SND1: variants seen among roughly 807,000 people sequenced by gnomAD.
SND1 encodes the protein staphylococcal nuclease and tudor domain containing 1.
Under a neutral mutation model 121.7 loss-of-function variants are expected in SND1, and 38 were observed. That is an observed-to-expected ratio of 0.31 (90% CI 0.24 to 0.41). The LOEUF is 0.41. SND1 is among the 10% of genes least tolerant of loss of function. SND1 has a pLI of 1.00. For synonymous variants in SND1, 401 were observed against 447.4 expected (o/e 0.90, Z 1.31); for missense variants, 868 against 1,184.6 (o/e 0.73, Z 3.92).
intron 10 of SND1, among the ~76,000 whole-genome samples, chr7:127,791,349 C>T (rs550927826): frequency 6.6e-6 from 1 of 152,188 alleles, no homozygotes; most frequent in Admixed American, 6.5e-5. Context: ...GACAGGGTCT[C>T]ACTCTGTTGC....
intron 2 of SND1, among the ~76,000 whole-genome samples, chr7:127,691,719 TCTC>T (rs775022908): frequency 3.3e-5 from 5 of 151,444 alleles, no homozygotes; most frequent in African/African-American, 1.2e-4. Context: ...TTCAAGCAAT[TCTC>T]CTGTCTCAGC....
intron 13 of SND1, among the ~76,000 whole-genome samples, chr7:127,902,306 G>A (rs769593371): frequency 7.9e-5 from 12 of 152,226 alleles, no homozygotes; most frequent in Non-Finnish European, 1.3e-4. Flanking sequence ...GGATAAGGCT[G>A]TAGGCATTTA....
intron 15 of SND1, among the ~76,000 whole-genome samples, chr7:127,984,527 T>C (rs1391996284): frequency 1.3e-5 from 2 of 152,180 alleles, no homozygotes; most frequent in African/African-American, 4.8e-5. Context: ...TCATCAACCA[T>C]CTCTTTCTCT....
chr7:127,982,624 T>C (rs1046884343), intron 15 of SND1, among the ~76,000 whole-genome samples: 1 of 152,248 alleles, frequency 6.6e-6, no homozygotes, highest in Non-Finnish European at 1.5e-5. Context: ...CTAAACCTTT[T>C]AGTACAAACT....
intron 1 of SND1, among the ~76,000 whole-genome samples, chr7:127,667,609 A>C (rs571662220): frequency 6.6e-6 from 1 of 152,178 alleles, no homozygotes; most frequent in African/African-American, 2.4e-5. Flanking sequence ...ACTGGGGAGG[A>C]GGAAAGTTAA....
intron 16 of SND1, among the ~76,000 whole-genome samples, chr7:128,069,851 T>C (rs1156515582): frequency 3.3e-5 from 5 of 152,184 alleles, no homozygotes; most frequent in East Asian, 1.9e-4. Context: ...TCCACACTTA[T>C]AACCTCCATG....
At chr7:128,059,938 A>T (rs1793204237) in intron 16 of SND1, among the ~76,000 whole-genome samples, 1 of 152,250 alleles carries the variant, frequency 6.6e-6, no homozygotes, top group Non-Finnish European at 1.5e-5. Context: ...ACAGGAAAAT[A>T]GCCCGTTCAG....
At chr7:127,914,631 G>C (rs1350623834) in intron 14 of SND1, among the ~76,000 whole-genome samples, 1 of 152,186 alleles carries the variant, frequency 6.6e-6, no homozygotes, top group Non-Finnish European at 1.5e-5. Flanking sequence ...CAAACAGCAT[G>C]AACTTGTATT....
chr7:127,967,672 A>G (rs556115341), intron 15 of SND1, among the ~76,000 whole-genome samples: 13 of 152,298 alleles, frequency 8.5e-5, no homozygotes, highest in African/African-American at 2.4e-4. Flanking sequence ...TGTGTTGTAT[A>G]TATTTATCCA....
chr7:127,816,799 A>G (rs533376108), intron 11 of SND1, among the ~76,000 whole-genome samples: 1 of 151,574 alleles, frequency 6.6e-6, no homozygotes, highest in South Asian at 2.1e-4. Context: ...GAGTAGCTGG[A>G]CTACAGGCAT....
At chr7:127,659,245 A>G (rs2116228938) in intron 1 of SND1, among the ~76,000 whole-genome samples, 1 of 152,312 alleles carries the variant, frequency 6.6e-6, no homozygotes, top group East Asian at 1.9e-4. Flanking sequence ...AACATTCGAT[A>G]TAGATGGAAT....
At chr7:128,044,533 AC>A (rs1792912110) in intron 16 of SND1, among the ~76,000 whole-genome samples, 1 of 151,980 alleles carries the variant, frequency 6.6e-6, no homozygotes, top group Non-Finnish European at 1.5e-5. Context: ...CCTTGCTCTT[AC>A]CTTGCTGAAA....
intron 14 of SND1, among the ~76,000 whole-genome samples, chr7:127,909,077 A>G (rs1447177282): frequency 6.6e-6 from 1 of 152,138 alleles, no homozygotes; most frequent in Non-Finnish European, 1.5e-5. Context: ...CATAGTGTAT[A>G]TCTGAGTTTT....
chr7:127,907,932 A>C (rs1440790456), intron 14 of SND1, among the ~76,000 whole-genome samples: 1 of 152,174 alleles, frequency 6.6e-6, no homozygotes, highest in African/African-American at 2.4e-5. Flanking sequence ...CTGATTGCTT[A>C]TGGTTGGAAG....
At chr7:127,834,968 C>A in intron 11 of SND1, among the ~76,000 whole-genome samples, 1 of 152,140 alleles carries the variant, frequency 6.6e-6, no homozygotes, top group East Asian at 1.9e-4. Context: ...TGGTTTTGCT[C>A]ACCCAAGCAA....
Position 127,953,218 on chromosome 7 carries a change from GTGTA to G in SND1, c.1669+23896_1669+23899del, listed in dbSNP as rs1364447839. On this transcript the variant is annotated intron_variant, in intron 15 of 23. Coordinates refer to ENST00000354725, the MANE Select transcript of SND1 (RefSeq NM_014390.4). Reference sequence around the variant, plus strand: ...TGTGTGTGTGTGTGTGTGTGTGTGTGTGTATGTATGAAAAGAAGAAAGCATCTGT... The same window carrying G: ...TGTGTGTGTGTGTGTGTGTGTGTGTGTGTATGAAAAGAAGAAAGCATCTGT... Among the ~76,000 whole-genome samples, 33 of 60,804 alleles carry G rather than the reference GTGTA, an allele frequency of 5.4e-4. 1 individual carries two copies. Among genetic ancestry groups the G allele is most frequent in the African/African-American group, 6.1e-4 (11 of 17,914 alleles). 39.9% of individuals were successfully genotyped at this position (60,804 alleles called of 152,430 possible).
At chr7:127,862,387 G>C (rs1311737569) in intron 12 of SND1, among the ~76,000 whole-genome samples, 2 of 152,056 alleles carry the variant, frequency 1.3e-5, no homozygotes, top group Middle Eastern at 3.2e-3. Flanking sequence ...GGTGATCTTA[G>C]GACAATTCCC....
At chr7:127,801,523 C>CTGCA (rs1798127125) in intron 10 of SND1, among the ~76,000 whole-genome samples, 1 of 152,210 alleles carries the variant, frequency 6.6e-6, no homozygotes, top group Non-Finnish European at 1.5e-5. Flanking sequence ...CTACTGGAAT[C>CTGCA]TGCATCCATA....
intron 10 of SND1, among the ~76,000 whole-genome samples, chr7:127,798,782 T>C (rs1012383758): frequency 6.6e-6 from 1 of 152,208 alleles, no homozygotes; most frequent in Non-Finnish European, 1.5e-5. Flanking sequence ...CAGTGGCTCA[T>C]GCCTATAATC....
Sources: gnomAD v4.1 joint callset for allele counts (sites outside exome capture counted in the v4.1 genomes callset) on GRCh38, gnomAD v4.1.1 for gene constraint, MANE v1.5 for transcripts, NCBI Gene and HGNC (gene_info 2026-07-23, HGNC 2026-07-21) for gene names.